Variants in MSR1 observed in about 807,000 individuals in gnomAD.
MSR1 encodes macrophage scavenger receptor types I and II.
In MSR1, 53 loss-of-function variants were observed where a neutral mutation model predicts 47.2. The observed-to-expected ratio is 1.12, with a 90% CI of 0.90 to 1.41. MSR1 has a LOEUF of 1.41. Ranked by LOEUF, MSR1 falls within the 40% of genes most tolerant of loss-of-function variation. The probability of loss-of-function intolerance (pLI) is 0.00; values close to 1 mark genes in which losing one functional copy is unlikely to be tolerated. For synonymous variants in MSR1, 239 were observed against 185.6 expected (o/e 1.29, Z -2.34); for missense variants, 786 against 546.9 (o/e 1.44, Z -4.36).
At chr8:16,143,650 C>T (rs778532427) in intron 7 of MSR1, 39 bp from the exon 8 acceptor site, 12 of 1,511,118 alleles carry the variant, frequency 7.9e-6, no homozygotes, top group Non-Finnish European at 1.0e-5. Flanking sequence ...TTAATCAGGG[C>T]AATTCACAAT....
intron 9 of MSR1, among the ~76,000 whole-genome samples, chr8:16,113,389 G>A (rs1585130350): frequency 6.6e-6 from 1 of 152,108 alleles, no homozygotes; most frequent in East Asian, 1.9e-4. Flanking sequence ...AAAATGATGA[G>A]ATTTGAGATC....
intron 1 of MSR1, among the ~76,000 whole-genome samples, chr8:16,180,993 G>C (rs1801813255): frequency 6.6e-6 from 1 of 151,782 alleles, no homozygotes; most frequent in Non-Finnish European, 1.5e-5. Context: ...CAATTATCTG[G>C]GAAAATGAAC....
chr8:16,146,890 C>T (rs1200383005), intron 7 of MSR1, among the ~76,000 whole-genome samples: 1 of 152,082 alleles, frequency 6.6e-6, no homozygotes, highest in Non-Finnish European at 1.5e-5. Context: ...CTCATGTGTT[C>T]AACCGTCTGT....
chr8:16,138,733 G>T (rs976565800), intron 8 of MSR1, among the ~76,000 whole-genome samples: 2 of 152,130 alleles, frequency 1.3e-5, no homozygotes, highest in African/African-American at 2.4e-5. Flanking sequence ...TTAAACCAAG[G>T]AAAAGGAGTT....
intron 2 of MSR1, among the ~76,000 whole-genome samples, chr8:16,176,642 G>A (rs572034003): frequency 6.6e-6 from 1 of 152,194 alleles, no homozygotes; most frequent in Admixed American, 6.5e-5. Flanking sequence ...TGAAAAGTAG[G>A]AGTCATCTTC....
chr8:16,170,758 C>T (rs545334839), intron 3 of MSR1, among the ~76,000 whole-genome samples: 2 of 152,142 alleles, frequency 1.3e-5, no homozygotes, highest in African/African-American at 4.8e-5. Flanking sequence ...GGATCTAGTT[C>T]CCTGATTCTA....
chr8:16,133,759 T>C (rs1316127868), intron 8 of MSR1, among the ~76,000 whole-genome samples: 3 of 152,320 alleles, frequency 2.0e-5, no homozygotes, highest in African/African-American at 4.8e-5. Context: ...CTATAATTCT[T>C]CAAATAAATG....
chr8:16,150,261 G>A lies in MSR1; in HGVS notation c.949C>T (p.Arg317Ter), dbSNP rs769087591. ...CTTCCGGCATATCCTGGGAGTCCTC[G>A]ACTTCCAGGAAAGCCAATTGCTCCC... Reference protein sequence around the residue: ...DRGAIGFPGSRGLPGYAGRPG... With the variant: ...DRGAIGFPGS The change falls in exon 7 of 10, where the codon CGA (arginine) becomes TGA (stop). Residue 317 changes from arginine (R) to a stop codon, truncating the protein, a stop_gained. Coordinates refer to ENST00000262101, the MANE Select transcript of MSR1 (RefSeq NM_138715.3). LOFTEE classifies it high-confidence loss of function. 2.6e-6 allele frequency: 4 copies of A among 1,558,742 alleles called. No individual in the cohort carries two copies. The highest frequency in any genetic ancestry group is 1.2e-5 in the South Asian group (1 of 82,988).
intron 5 of MSR1, among the ~76,000 whole-genome samples, chr8:16,161,343 C>T (rs747622747): frequency 4.6e-5 from 7 of 151,876 alleles, no homozygotes; most frequent in South Asian, 2.1e-4. Flanking sequence ...GAGGCAGATG[C>T]GGGTGGCTAG....
intron 4 of MSR1, among the ~76,000 whole-genome samples, chr8:16,167,440 G>C (rs1158518075): frequency 6.6e-6 from 1 of 152,114 alleles, no homozygotes; most frequent in East Asian, 1.9e-4. Flanking sequence ...AGCTACATGG[G>C]AGGCTAAGGC....
At position 16,120,604 on chromosome 8, in the gene MSR1, G is replaced by A; in HGVS notation, c.1036C>T (p.Pro346Ser). The change falls in exon 9 of 10, where the codon CCA (proline) becomes TCA (serine). Residue 346 changes from proline (P) to serine (S), a missense_variant and splice_region_variant. Physicochemically the swap from Pro to Ser is moderately conservative, Grantham distance 74. Transcript: ENST00000262101. Reference protein sequence around the residue: ...GEKGSGNTLTPFTKVRLVGGS... With the variant: ...GEKGSGNTLTSFTKVRLVGGS... The stretch of plus-strand genomic sequence containing the variant: ...CCGACCAGTCGAACTTTCGTAAATG[G>A]AGCTGTAAAGTTAAAAAAAAAAAAA... 1.3e-6 allele frequency: 2 copies of A among 1,550,584 alleles called. No individual in the cohort carries two copies. Among genetic ancestry groups the A allele is most frequent in the African/African-American group, 1.7e-5 (1 of 60,352 alleles).
chr8:16,123,522 G>C (rs982310207), intron 8 of MSR1, among the ~76,000 whole-genome samples: 2 of 35,284 alleles, frequency 5.7e-5, no homozygotes, highest in South Asian at 6.6e-3. Flanking sequence ...GTCAGATAGG[G>C]CTTTTTTTTT....
intron 1 of MSR1, among the ~76,000 whole-genome samples, chr8:16,180,005 G>C (rs180915793): frequency 6.7e-6 from 1 of 150,312 alleles, no homozygotes; most frequent in Non-Finnish European, 1.5e-5. Flanking sequence ...CTACCATGTT[G>C]TCCAGGCTGA....
In MSR1 at chr8:16,110,197, T is replaced by A; in HGVS notation, c.1244A>T (p.Asn415Ile). ...TTCTCTCCCAAAACAAAACACTTCATTCAGCCATATTGGACCAGTACCTGC... is the reference window on the plus strand; with the variant it reads ...TTCTCTCCCAAAACAAAACACTTCAATCAGCCATATTGGACCAGTACCTGC... ...FGQGTGPIWL[N>I]EVFCFGRESS... Residue 415 changes from asparagine to isoleucine, a missense_variant, in exon 10 of 10, where the codon AAT becomes ATT. Physicochemically the swap from Asn to Ile is moderately radical, Grantham distance 149. Transcript: ENST00000262101. 2.5e-6 allele frequency: 4 copies of A among 1,613,612 alleles called. No individual in the cohort carries two copies. The highest frequency in any genetic ancestry group is 2.5e-6 in the Non-Finnish European group (3 of 1,179,654).
chr8:16,189,414 T>TAAAA (rs1231118768), intron 1 of MSR1, among the ~76,000 whole-genome samples: 1 of 97,922 alleles, frequency 1.0e-5, no homozygotes, highest in South Asian at 2.9e-4. Context: ...TTTATATATA[T>TAAAA]TTTATATATA....
Position 16,156,805 on chromosome 8 carries a change from G to C in MSR1, c.818-1661C>G, listed in dbSNP as rs146073910. On this transcript the variant is annotated intron_variant, in intron 5 of 9. Coordinates refer to ENST00000262101, the MANE Select transcript of MSR1 (RefSeq NM_138715.3). ...CTAAGGTATAGCTTAATTGCTGCGAGACATATATTTAAATGCTGCACAAGA... is the reference window on the plus strand; with the variant it reads ...CTAAGGTATAGCTTAATTGCTGCGACACATATATTTAAATGCTGCACAAGA... Among the ~76,000 whole-genome samples the C allele has an allele frequency of 1.3e-3, 190 of 151,862 alleles. 1 individual carries two copies. The highest frequency in any genetic ancestry group is 4.4e-3 in the African/African-American group (183 of 41,454).
intron 9 of MSR1, among the ~76,000 whole-genome samples, chr8:16,118,025 C>A (rs75655092): frequency 6.6e-6 from 1 of 152,150 alleles, no homozygotes; most frequent in Admixed American, 6.5e-5. Context: ...GAACCACTGT[C>A]TTAAAGAAAC....
intron 6 of MSR1, among the ~76,000 whole-genome samples, chr8:16,150,849 TA>T (rs1800835796): frequency 4.5e-5 from 2 of 44,332 alleles, no homozygotes; most frequent in African/African-American, 6.6e-5. Flanking sequence ...AACATAAACA[TA>T]AACACACACA....
rs3036816 is a variant in MSR1, at chr8:16,150,851, A to AACACACACACAC, written c.899-552_899-541dup. ...CCCAGGGTAAATAAACATAAACATAAACACACACACACACACACACACACA... is the reference window on the plus strand; with the variant it reads ...CCCAGGGTAAATAAACATAAACATAAACACACACACACACACACACACACACACACACACACA... On this transcript the variant is annotated intron_variant, in intron 6 of 9. Coordinates refer to ENST00000262101, the MANE Select transcript of MSR1 (RefSeq NM_138715.3). Among the ~76,000 whole-genome samples, 410 of 142,132 alleles carry AACACACACACAC rather than the reference A, an allele frequency of 2.9e-3. 2 individuals carry two copies. The highest frequency in any genetic ancestry group is 0.01 in the African/African-American group (382 of 36,976). 93.2% of individuals were successfully genotyped at this position (142,132 alleles called of 152,430 possible). A position where few individuals can be genotyped will look rare whatever the true frequency, so the allele number is the denominator to read the frequency against.
Sources: gnomAD v4.1 joint callset for allele counts (sites outside exome capture counted in the v4.1 genomes callset) on GRCh38, gnomAD v4.1.1 for gene constraint, MANE v1.5 for transcripts, NCBI Gene and HGNC (gene_info 2026-07-23, HGNC 2026-07-21) for gene names.